The following UNC5D variants were observed in gnomAD, a reference collection of about 807,000 sequenced individuals.
The protein encoded by UNC5D is netrin receptor UNC5D.
UNC5D carries 39 observed loss-of-function variants against 105.4 expected under a neutral mutation model. The ratio of observed to expected loss-of-function variants is 0.37; its 90% CI spans 0.29 to 0.48. The LOEUF (loss-of-function observed/expected upper bound fraction) is 0.48, where lower values mean the gene tolerates loss of function less well. UNC5D is among the 20% of genes least tolerant of loss of function. The pLI, the probability that UNC5D is intolerant of heterozygous loss-of-function variation, is 0.98. For synonymous variants in UNC5D, 452 were observed against 450.4 expected (o/e 1.00, Z -0.04); for missense variants, 991 against 1,202.4 (o/e 0.82, Z 2.60).
chr8:35,551,708 C>T (rs1816156216), intron 2 of UNC5D, among the ~76,000 whole-genome samples: 1 of 151,850 alleles, frequency 6.6e-6, no homozygotes, highest in African/African-American at 2.4e-5. Context: ...GTCCCAGCTA[C>T]CCAGGAGGCT....
At chr8:35,544,109 C>T (rs368340779) in intron 1 of UNC5D, among the ~76,000 whole-genome samples, 3 of 152,168 alleles carry the variant, frequency 2.0e-5, no homozygotes, top group African/African-American at 4.8e-5. Context: ...TGCACAGTGA[C>T]ACCCACCTTG....
At chr8:35,250,164 A>G (rs1369546306) in intron 1 of UNC5D, among the ~76,000 whole-genome samples, 1 of 152,126 alleles carries the variant, frequency 6.6e-6, no homozygotes, top group African/African-American at 2.4e-5. Flanking sequence ...TTCTGAAGAG[A>G]AAGAGTTTAA....
intron 2 of UNC5D, among the ~76,000 whole-genome samples, chr8:35,558,721 G>A (rs1421023255): frequency 2.0e-5 from 3 of 152,044 alleles, no homozygotes; most frequent in Non-Finnish European, 2.9e-5. Context: ...AGTGGCTCAC[G>A]CCTGTAATCC....
intron 3 of UNC5D, among the ~76,000 whole-genome samples, chr8:35,590,532 A>G (rs1162334882): frequency 2.6e-5 from 4 of 151,880 alleles, no homozygotes; most frequent in Non-Finnish European, 4.4e-5. Flanking sequence ...TATTCTTTTT[A>G]TTTAAGTGTC....
chr8:35,751,305 C>T (rs950692900), intron 13 of UNC5D, among the ~76,000 whole-genome samples: 1 of 152,134 alleles, frequency 6.6e-6, no homozygotes. Flanking sequence ...TTAGGATTTA[C>T]AATAGCAATG....
chr8:35,350,055 TAATA>T (rs1440789402), intron 1 of UNC5D, among the ~76,000 whole-genome samples: 2 of 151,918 alleles, frequency 1.3e-5, no homozygotes, highest in African/African-American at 2.4e-5. Context: ...TAATTTAATT[TAATA>T]AATTAATTTA....
chr8:35,497,630 A>G (rs74905286), intron 1 of UNC5D, among the ~76,000 whole-genome samples: 15,689 of 151,720 alleles, frequency 0.1, 1,134 homozygotes, highest in East Asian at 0.25. Context: ...TACAAATGGT[A>G]ATGGAAGCAT....
At chr8:35,663,536 A>C (rs559486142) in intron 4 of UNC5D, among the ~76,000 whole-genome samples, 50 of 152,232 alleles carry the variant, frequency 3.3e-4, no homozygotes, top group African/African-American at 1.1e-3. Context: ...TTCGGTAACC[A>C]TGTCTGAGAG....
chr8:35,305,577 T>TTTCTTTCTTTCTCTTTCTTTC (rs1808284926), intron 1 of UNC5D, among the ~76,000 whole-genome samples: 4 of 53,990 alleles, frequency 7.4e-5, no homozygotes, highest in African/African-American at 2.0e-4. Flanking sequence ...CTTTCTTTCT[T>TTTCTTTCTTTCTCTTTCTTTC]TTTCTTTCTT....
At chr8:35,761,940 T>C (rs951922355) in intron 14 of UNC5D, among the ~76,000 whole-genome samples, 2 of 152,184 alleles carry the variant, frequency 1.3e-5, no homozygotes, top group African/African-American at 4.8e-5. Context: ...TGGCTTTTCA[T>C]TAGGGCTTAG....
chr8:35,670,496 G>T (rs1824713673), intron 4 of UNC5D, among the ~76,000 whole-genome samples: 1 of 152,088 alleles, frequency 6.6e-6, no homozygotes, highest in Non-Finnish European at 1.5e-5. Flanking sequence ...AAGAAAATGT[G>T]GTGCATATAT....
chr8:35,249,744 T>C (rs1019776028), intron 1 of UNC5D, among the ~76,000 whole-genome samples: 1 of 152,208 alleles, frequency 6.6e-6, no homozygotes, highest in Middle Eastern at 3.4e-3. Flanking sequence ...GTGCCTCTAT[T>C]ATGATGATTC....
chr8:35,280,302 G>A (rs1806060916), intron 1 of UNC5D, among the ~76,000 whole-genome samples: 1 of 152,136 alleles, frequency 6.6e-6, no homozygotes, highest in East Asian at 1.9e-4. Context: ...TTATTGAGGT[G>A]GATCTGTAAT....
At chr8:35,476,427 A>G (rs575036715) in intron 1 of UNC5D, among the ~76,000 whole-genome samples, 3 of 152,200 alleles carry the variant, frequency 2.0e-5, no homozygotes, top group African/African-American at 7.2e-5. Flanking sequence ...CTAATATTTG[A>G]TGAATCTCTT....
At chr8:35,737,636 T>C (rs1829544470) in intron 11 of UNC5D, among the ~76,000 whole-genome samples, 1 of 152,192 alleles carries the variant, frequency 6.6e-6, no homozygotes, top group African/African-American at 2.4e-5. Context: ...GATGTCATGA[T>C]ATTTGGTGTA....
At chr8:35,712,276 G>C (rs910747825) in intron 8 of UNC5D, among the ~76,000 whole-genome samples, 5 of 152,094 alleles carry the variant, frequency 3.3e-5, no homozygotes, top group Non-Finnish European at 7.4e-5. Context: ...ATTTCAAAAA[G>C]AAAGAAAATC....
At chr8:35,258,372 A>G (rs1355232044) in intron 1 of UNC5D, among the ~76,000 whole-genome samples, 3 of 152,242 alleles carry the variant, frequency 2.0e-5, no homozygotes, top group Non-Finnish European at 4.4e-5. Context: ...CATTCAAACC[A>G]TAGTAATATG....
At chr8:35,581,813 C>G (rs952929627) in intron 3 of UNC5D, among the ~76,000 whole-genome samples, 13 of 151,936 alleles carry the variant, frequency 8.6e-5, no homozygotes, top group African/African-American at 2.7e-4. Flanking sequence ...GTTTATTTCC[C>G]AGTGTTTCCT....
At chr8:35,372,101 T>G (rs888651916) in intron 1 of UNC5D, among the ~76,000 whole-genome samples, 1 of 152,142 alleles carries the variant, frequency 6.6e-6, no homozygotes, top group Non-Finnish European at 1.5e-5. Context: ...TTGGCTCATC[T>G]CTAGGTTTTG....
Sources: gnomAD v4.1 joint callset for allele counts (sites outside exome capture counted in the v4.1 genomes callset) on GRCh38, gnomAD v4.1.1 for gene constraint, MANE v1.5 for transcripts, NCBI Gene and HGNC (gene_info 2026-07-23, HGNC 2026-07-21) for gene names.